The following PDE7B variants were observed in gnomAD, a reference collection of about 807,000 sequenced individuals.
PDE7B encodes the protein phosphodiesterase 7B.
PDE7B carries 29 observed loss-of-function variants against 56.2 expected under a neutral mutation model. That is an observed-to-expected ratio of 0.52 (90% CI 0.38 to 0.70). The LOEUF is 0.70. Among genes scored for constraint, PDE7B ranks in the 30% least tolerant of loss-of-function variants. The pLI, the probability that PDE7B is intolerant of heterozygous loss-of-function variation, is 0.00. For synonymous variants in PDE7B, 197 were observed against 196.9 expected (o/e 1.00, Z 0.00); for missense variants, 490 against 565.0 (o/e 0.87, Z 1.35).
chr6:136,186,421 C>CT (rs1779146688), intron 11 of PDE7B, among the ~76,000 whole-genome samples: 1 of 152,058 alleles, frequency 6.6e-6, no homozygotes, highest in South Asian at 2.1e-4. Flanking sequence ...GAATGAGACT[C>CT]TGTCTCAAAA....
At chr6:136,079,099 C>T (rs1332248184) in intron 2 of PDE7B, among the ~76,000 whole-genome samples, 1 of 152,108 alleles carries the variant, frequency 6.6e-6, no homozygotes, top group Non-Finnish European at 1.5e-5. Context: ...AAATCTTCAA[C>T]TTACAATGGG....
chr6:136,167,648 C>A (rs1275996628), intron 8 of PDE7B, among the ~76,000 whole-genome samples: 1 of 152,092 alleles, frequency 6.6e-6, no homozygotes, highest in East Asian at 1.9e-4. Context: ...ACTAATATAC[C>A]ATCTCTACCA....
At chr6:135,897,641 A>G (rs1775926025) in intron 1 of PDE7B, among the ~76,000 whole-genome samples, 2 of 152,216 alleles carry the variant, frequency 1.3e-5, no homozygotes, top group South Asian at 2.1e-4. Context: ...TAAATATTGA[A>G]TGGAGACAGC....
chr6:135,889,333 G>A (rs1221643123), intron 1 of PDE7B, among the ~76,000 whole-genome samples: 1 of 151,160 alleles, frequency 6.6e-6, no homozygotes. Context: ...TTTTGACAGA[G>A]TCTTACTCCG....
At chr6:135,858,445 G>A (rs1008830003) in intron 1 of PDE7B, among the ~76,000 whole-genome samples, 3 of 152,120 alleles carry the variant, frequency 2.0e-5, no homozygotes, top group African/African-American at 4.8e-5. Context: ...AAGCCACCAC[G>A]TCCAGCCTGA....
chr6:136,093,410 C>G (rs1220086763), intron 2 of PDE7B, among the ~76,000 whole-genome samples: 1 of 152,226 alleles, frequency 6.6e-6, no homozygotes, highest in Non-Finnish European at 1.5e-5. Context: ...AAGGATGTAT[C>G]TAGCACAGTC....
At chr6:136,130,694 C>A (rs1442482638) in intron 3 of PDE7B, among the ~76,000 whole-genome samples, 1 of 152,236 alleles carries the variant, frequency 6.6e-6, no homozygotes, top group East Asian at 1.9e-4. Context: ...CTTAAATCTT[C>A]TTGTATGAGT....
chr6:136,053,637 G>C (rs1209946349), intron 2 of PDE7B, among the ~76,000 whole-genome samples: 2 of 152,140 alleles, frequency 1.3e-5, no homozygotes, highest in Admixed American at 6.5e-5. Flanking sequence ...TCACCACACT[G>C]ACTTCCACAA....
chr6:136,183,173 G>C (rs1350153147), intron 11 of PDE7B, among the ~76,000 whole-genome samples: 2 of 151,830 alleles, frequency 1.3e-5, no homozygotes, highest in African/African-American at 4.8e-5. Context: ...TTGTAACACT[G>C]ATCTCTAAAG....
chr6:135,951,390 ATAAT>A (rs1255876015), intron 2 of PDE7B, among the ~76,000 whole-genome samples: 1 of 152,204 alleles, frequency 6.6e-6, no homozygotes, highest in African/African-American at 2.4e-5. Context: ...CTCTCACTGT[ATAAT>A]TAATGCATGA....
At chr6:135,868,037 T>C (rs1775297469) in intron 1 of PDE7B, among the ~76,000 whole-genome samples, 1 of 152,240 alleles carries the variant, frequency 6.6e-6, no homozygotes, top group African/African-American at 2.4e-5. Flanking sequence ...AATTTATAAG[T>C]CTGATAAATT....
At chr6:136,020,517 C>T (rs1349230166) in intron 2 of PDE7B, among the ~76,000 whole-genome samples, 1 of 152,086 alleles carries the variant, frequency 6.6e-6, no homozygotes, top group Non-Finnish European at 1.5e-5. Flanking sequence ...GATCTCCTTT[C>T]TTACCATACC....
intron 3 of PDE7B, among the ~76,000 whole-genome samples, chr6:136,131,761 A>C (rs1778123145): frequency 6.6e-6 from 1 of 152,146 alleles, no homozygotes; most frequent in African/African-American, 2.4e-5. Context: ...TCATTTGTAC[A>C]TTTAGTGAGA....
chr6:135,936,726 G>T (rs1479163846), intron 1 of PDE7B, among the ~76,000 whole-genome samples: 2 of 152,152 alleles, frequency 1.3e-5, no homozygotes, highest in African/African-American at 4.8e-5. Flanking sequence ...GTGAAGAGAG[G>T]GCATTTGTTC....
chr6:136,178,903 A>T, intron 9 of PDE7B, 94 bp from the exon 10 acceptor site: 1 of 1,318,020 alleles, frequency 7.6e-7, no homozygotes, highest in Non-Finnish European at 1.1e-6. Context: ...GGCAGAAATT[A>T]GATTACAAGC....
chr6:136,151,779 C>CAA (rs148877609), intron 6 of PDE7B, among the ~76,000 whole-genome samples: 7,810 of 111,180 alleles, frequency 0.07, 300 homozygotes, highest in South Asian at 0.1. Context: ...ACTAAAAATA[C>CAA]AAAAAAAAAA....
In PDE7B at chr6:136,183,389, A is replaced by C. The variant is rs1006734051; in HGVS notation, c.1045+2066A>C. On this transcript the variant is annotated intron_variant, in intron 11 of 12. Coordinates refer to ENST00000308191, the MANE Select transcript of PDE7B (RefSeq NM_018945.4). ...CGGGCGGATCATGAGGTCAGGAGAT[A>C]GAGATCATCCCGGCTAACACGGTGA... Among the ~76,000 whole-genome samples the C allele has an allele frequency of 3.3e-5, 5 of 151,888 alleles. No individual in the cohort carries two copies. The East Asian group carries it at 5.8e-4, about 18-fold the overall frequency.
chr6:135,926,447 T>C (rs1024585305), intron 1 of PDE7B, among the ~76,000 whole-genome samples: 1 of 151,580 alleles, frequency 6.6e-6, no homozygotes, highest in African/African-American at 2.4e-5. Flanking sequence ...GAAATATGAT[T>C]AGAGGACAAA....
At position 136,194,268 on chromosome 6, in the gene PDE7B, AT is replaced by A; in HGVS notation, c.*2430del. 6.6e-6 allele frequency: 1 copy of A among 152,216 alleles called. No homozygotes were observed. Among genetic ancestry groups the A allele is most frequent in the Admixed American group, 6.5e-5 (1 of 15,298 alleles). 9.4% of individuals were successfully genotyped at this position (152,216 alleles called of 1,614,324 possible). ...GGGACTAAAAAATGGCTTTGTTTAA[AT>A]TATAATTATATAATAATTTAAATAA... On this transcript the variant is annotated 3_prime_UTR_variant, in exon 13 of 13. Transcript: ENST00000308191.
Sources: gnomAD v4.1 joint callset for allele counts (sites outside exome capture counted in the v4.1 genomes callset) on GRCh38, gnomAD v4.1.1 for gene constraint, MANE v1.5 for transcripts, NCBI Gene and HGNC (gene_info 2026-07-23, HGNC 2026-07-21) for gene names.